Variants in SMAP1 observed in about 807,000 individuals in gnomAD.
SMAP1 encodes stromal membrane-associated protein 1.
SMAP1 carries 24 observed loss-of-function variants against 58.5 expected under a neutral mutation model. The observed-to-expected ratio is 0.41, with a 90% CI of 0.30 to 0.58. The LOEUF is 0.58. SMAP1 is among the 20% of genes least tolerant of loss of function. SMAP1 has a pLI of 0.29. For synonymous variants in SMAP1, 216 were observed against 196.6 expected, an observed-to-expected ratio of 1.10 and a Z score of -0.82; for missense variants, 563 against 566.3, an observed-to-expected ratio of 0.99 and a Z score of 0.06.
intron 1 of SMAP1, among the ~76,000 whole-genome samples, chr6:70,690,128 A>T (rs1364729794): frequency 6.6e-6 from 1 of 152,152 alleles, no homozygotes; most frequent in African/African-American, 2.4e-5. Flanking sequence ...TGTTCCTGAT[A>T]CTAAGGGAGA....
chr6:70,728,734 T>C (rs1426311193), intron 1 of SMAP1, among the ~76,000 whole-genome samples: 2 of 152,184 alleles, frequency 1.3e-5, no homozygotes. Context: ...TATAATCTAA[T>C]ATAGAGGAAA....
intron 2 of SMAP1, among the ~76,000 whole-genome samples, chr6:70,735,135 A>G (rs1765572272): frequency 6.6e-6 from 1 of 152,218 alleles, no homozygotes; most frequent in Non-Finnish European, 1.5e-5. Context: ...AAACCAAAAA[A>G]AGAAAAAACT....
intron 3 of SMAP1, among the ~76,000 whole-genome samples, chr6:70,767,742 T>G (rs1407774141): frequency 3.3e-4 from 47 of 142,416 alleles, no homozygotes; most frequent in African/African-American, 1.2e-3. Context: ...AACCCTTTAT[T>G]TCCTTCTCCT....
At chr6:70,842,447 C>T (rs1770838723) in intron 7 of SMAP1, among the ~76,000 whole-genome samples, 1 of 152,066 alleles carries the variant, frequency 6.6e-6, no homozygotes, top group Non-Finnish European at 1.5e-5. Context: ...TGAACTGACA[C>T]CAGAAACGGG....
chr6:70,734,575 T>G (rs1765550751), intron 2 of SMAP1: 1 of 152,552 alleles, frequency 6.6e-6, no homozygotes, highest in African/African-American at 2.4e-5. Flanking sequence ...AGCCTGCTGC[T>G]CAGCATCGCC....
At chr6:70,746,827 T>G (rs1317462184) in intron 2 of SMAP1, among the ~76,000 whole-genome samples, 3 of 152,198 alleles carry the variant, frequency 2.0e-5, no homozygotes, top group African/African-American at 7.2e-5. Flanking sequence ...TGATAGGCTA[T>G]TAATTATTGC....
chr6:70,669,550 G>C (rs1270759146), intron 1 of SMAP1, among the ~76,000 whole-genome samples: 1 of 152,184 alleles, frequency 6.6e-6, no homozygotes, highest in Non-Finnish European at 1.5e-5. Flanking sequence ...CCTGGTTCTT[G>C]TAATACTTGT....
chr6:70,766,402 C>T (rs948985049), intron 3 of SMAP1, among the ~76,000 whole-genome samples: 4 of 152,210 alleles, frequency 2.6e-5, no homozygotes, highest in African/African-American at 7.2e-5. Flanking sequence ...TCCTCTCCAG[C>T]ACCTGTTGTT....
intron 6 of SMAP1, among the ~76,000 whole-genome samples, chr6:70,835,251 C>CAAAAAAAAAAAAA (rs778677881): frequency 1.7e-5 from 1 of 57,948 alleles, no homozygotes; most frequent in Non-Finnish European, 3.5e-5. Flanking sequence ...GACTCCGTCT[C>CAAAAAAAAAAAAA]AAAAAAAAAA....
chr6:70,668,280 A>G, intron 1 of SMAP1, 139 bp downstream of exon 1: 1 of 864,180 alleles, frequency 1.2e-6, no homozygotes, highest in Non-Finnish European at 1.7e-6. Flanking sequence ...CGGGTGGCTG[A>G]GCGGGCGGGC....
chr6:70,764,740 A>G (rs1482764792), intron 3 of SMAP1, among the ~76,000 whole-genome samples: 4 of 152,242 alleles, frequency 2.6e-5, no homozygotes, highest in Admixed American at 2.0e-4. Context: ...ATGTTGTTTC[A>G]TGCCTGTCAA....
At chr6:70,739,573 TG>T (rs1240724746) in intron 2 of SMAP1, among the ~76,000 whole-genome samples, 1 of 152,148 alleles carries the variant, frequency 6.6e-6, no homozygotes, top group Non-Finnish European at 1.5e-5. Context: ...TACCTACATA[TG>T]GTATGCTTCT....
intron 2 of SMAP1, among the ~76,000 whole-genome samples, chr6:70,742,693 T>G (rs1765865967): frequency 6.6e-6 from 1 of 152,210 alleles, no homozygotes; most frequent in African/African-American, 2.4e-5. Context: ...ACCAGTTTAC[T>G]GTATTAGTCT....
At chr6:70,853,482 C>A (rs1412545939) in intron 8 of SMAP1, among the ~76,000 whole-genome samples, 1 of 152,044 alleles carries the variant, frequency 6.6e-6, no homozygotes, top group South Asian at 2.1e-4. Flanking sequence ...TGAGTCAAAT[C>A]TGAATTGTTC....
chr6:70,727,636 T>C lies in SMAP1; in HGVS notation c.119-4742T>C, dbSNP rs180778437. Among the ~76,000 whole-genome samples, 299 of 152,350 alleles carry C rather than the reference T, an allele frequency of 2.0e-3. 1 individual carries two copies. Among genetic ancestry groups the C allele is most frequent in the African/African-American group, 6.9e-3 (285 of 41,584 alleles). On this transcript the variant is annotated intron_variant, in intron 1 of 10. Transcript: ENST00000370455. ...CATAATAGATAACTGGTGATTTAAATTGGATCTAGAAAACTCAGGTTTGAT... is the reference window on the plus strand; with the variant it reads ...CATAATAGATAACTGGTGATTTAAACTGGATCTAGAAAACTCAGGTTTGAT...
intron 4 of SMAP1, among the ~76,000 whole-genome samples, chr6:70,783,192 G>T (rs371638531): frequency 6.6e-6 from 1 of 152,170 alleles, no homozygotes; most frequent in African/African-American, 2.4e-5. Flanking sequence ...AGGCAAACAG[G>T]GTCTGGAGTG....
At chr6:70,837,063 TACAAA>T in intron 7 of SMAP1, 35 bp downstream of exon 7, 1 of 1,457,982 alleles carries the variant, frequency 6.9e-7, no homozygotes, top group Non-Finnish European at 9.2e-7. Context: ...CTGCTGGAGT[TACAAA>T]ACAATTGAAA....
intron 2 of SMAP1, among the ~76,000 whole-genome samples, chr6:70,740,640 C>G (rs1236021963): frequency 6.6e-6 from 1 of 152,088 alleles, no homozygotes; most frequent in East Asian, 1.9e-4. Context: ...GGGGTCCTAT[C>G]CTGGAAGAGA....
At chr6:70,695,633 C>T (rs1562098132) in intron 1 of SMAP1, among the ~76,000 whole-genome samples, 1 of 152,136 alleles carries the variant, frequency 6.6e-6, no homozygotes, top group Non-Finnish European at 1.5e-5. Context: ...TGGGATAAAT[C>T]CCACTTGGTC....
Sources: allele counts gnomAD v4.1 joint callset (sites outside exome capture counted in the v4.1 genomes callset), GRCh38; gene constraint gnomAD v4.1.1; transcripts MANE v1.5; gene names NCBI Gene and HGNC (gene_info 2026-07-23, HGNC 2026-07-21).